VAV1: variants seen among roughly 807,000 people sequenced by gnomAD.
The protein encoded by VAV1 is proto-oncogene vav.
In VAV1, 33 loss-of-function variants were observed where a neutral mutation model predicts 128.1. The ratio of observed to expected loss-of-function variants is 0.26; its 90% confidence interval spans 0.20 to 0.34. VAV1 has a LOEUF of 0.34. VAV1 is among the 10% of genes least tolerant of loss of function. The pLI is 1.00. For synonymous variants in VAV1, 394 were observed against 409.8 expected (o/e 0.96, Z 0.47); for missense variants, 715 against 1,093.7 (o/e 0.65, Z 4.88).
At chr19:6,853,898 G>A in intron 25 of VAV1, 49 bp from the exon 26 acceptor site, 3 of 1,589,044 alleles carry the variant, frequency 1.9e-6, no homozygotes, top group Non-Finnish European at 1.7e-6. Flanking sequence ...CAGAGAGTGA[G>A]TGGGTATCTG....
At chr19:6,838,367 C>T (rs992892501) in intron 21 of VAV1, among the ~76,000 whole-genome samples, 2 of 150,572 alleles carry the variant, frequency 1.3e-5, no homozygotes, top group African/African-American at 4.9e-5. Flanking sequence ...ACCCATCAAT[C>T]CATCCATTCA....
chr19:6,828,197 G>C lies in VAV1; in HGVS notation c.1023+26G>C. 6.2e-7 allele frequency: 1 copy of C among 1,611,926 alleles called. No individual in the cohort carries two copies. Among genetic ancestry groups the C allele is most frequent in the Non-Finnish European group, 8.5e-7 (1 of 1,178,322 alleles). On this transcript the variant is annotated intron_variant, in intron 10 of 26. Coordinates refer to ENST00000602142, the MANE Select transcript of VAV1 (RefSeq NM_005428.4). This position sits in a 1 kb window ranked among gnomAD's most constrained non-coding sequence, Gnocchi z 4.5. ...GTGCCAGGCACATCTCTAGGCGTGG[G>C]CTCCACGTACCTACTCTCCTGTGTC...
chr19:6,803,253 A>C (rs556196494), intron 1 of VAV1, among the ~76,000 whole-genome samples: 1 of 152,340 alleles, frequency 6.6e-6, no homozygotes, highest in African/African-American at 2.4e-5. Flanking sequence ...TCAGGGTTGC[A>C]GTCATCTTTG....
At chr19:6,802,884 C>T (rs888028082) in intron 1 of VAV1, among the ~76,000 whole-genome samples, 3 of 152,296 alleles carry the variant, frequency 2.0e-5, no homozygotes, top group African/African-American at 7.2e-5. Flanking sequence ...TTTTATTGAG[C>T]ATCTACTATG....
chr19:6,833,932 G>A lies in VAV1; in HGVS notation c.1756G>A (p.Asp586Asn). The stretch of plus-strand genomic sequence containing the variant: ...GGACAAACTACATCGCAGGGCTCAG[G>A]ACAAAAAGAGGAATGAGCTGGGTGA... ...KKDKLHRRAQ[D>N]KKRNELGLPK... The change falls in exon 19 of 27, where the codon GAC (aspartate) becomes AAC (asparagine). Residue 586 changes from aspartate to asparagine, a missense_variant. Asp to Asn is a conservative substitution (Grantham distance 23). This residue lies in a region of VAV1 where 407 missense variants were observed against 580.6 expected (regional missense o/e 0.70). Coordinates refer to ENST00000602142, the MANE Select transcript of VAV1 (RefSeq NM_005428.4). The A allele has an allele frequency of 1.9e-6, 3 of 1,614,042 alleles. No homozygotes were observed. The highest frequency in any genetic ancestry group is 2.5e-6 in the Non-Finnish European group (3 of 1,180,018).
rs1390791330 is a variant in VAV1 at position 6,822,835 on chromosome 19, A to G, written c.654+321A>G. On this transcript the variant is annotated intron_variant, in intron 6 of 26. Transcript: ENST00000602142. This position sits in a 1 kb window ranked among gnomAD's most constrained non-coding sequence, Gnocchi z 5.9. ...TTAAACATATACATAAATAGAAAATATATAAATATATACAAAGTATATATA... is the reference window on the plus strand; with the variant it reads ...TTAAACATATACATAAATAGAAAATGTATAAATATATACAAAGTATATATA... Among the ~76,000 whole-genome samples, 2 of 147,532 alleles carry G rather than the reference A, an allele frequency of 1.4e-5. No individual in the cohort carries two copies. The highest frequency in any genetic ancestry group is 3.0e-5 in the Non-Finnish European group (2 of 66,886).
chr19:6,833,640 G>A lies in VAV1; in HGVS notation c.1708+15G>A. 6.2e-7 allele frequency: 1 copy of A among 1,614,098 alleles called. No individual in the cohort carries two copies. Among genetic ancestry groups the A allele is most frequent in the South Asian group, 1.1e-5 (1 of 91,076 alleles). On this transcript the variant is annotated intron_variant, in intron 17 of 26. Transcript: ENST00000602142. The stretch of plus-strand genomic sequence containing the variant: ...ACATGGGCAAGGTACGAGTGGGAGG[G>A]AGGCTGGGAGGTGAGCTTGGTTCTC...
chr19:6,816,990 G>A (rs1971669873), intron 1 of VAV1, among the ~76,000 whole-genome samples: 1 of 152,044 alleles, frequency 6.6e-6, no homozygotes, highest in South Asian at 2.1e-4. Context: ...TGACAGTGTG[G>A]TTATGAGAAT....
At chr19:6,842,749 G>A (rs964266175) in intron 21 of VAV1, among the ~76,000 whole-genome samples, 1 of 152,022 alleles carries the variant, frequency 6.6e-6, no homozygotes, top group Admixed American at 6.6e-5. Context: ...TGAGAGGATC[G>A]CTTGAACCTG....
At chr19:6,784,587 G>A (rs558998368) in intron 1 of VAV1, among the ~76,000 whole-genome samples, 52 of 150,918 alleles carry the variant, frequency 3.4e-4, no homozygotes, top group Non-Finnish European at 6.3e-4. Flanking sequence ...TCCGCCTCCC[G>A]GGTTCAAGCG....
intron 1 of VAV1, among the ~76,000 whole-genome samples, chr19:6,808,723 C>T (rs962974804): frequency 1.6e-4 from 25 of 152,166 alleles, no homozygotes; most frequent in Admixed American, 4.6e-4. Context: ...AACAAACAGT[C>T]CCCTAAAATG....
At position 6,823,004 on chromosome 19, in the gene VAV1, T is replaced by C. The variant is rs921407680; in HGVS notation, c.654+490T>C. 4.1e-5 allele frequency among the ~76,000 whole-genome samples: 6 copies of C among 148,056 alleles called. No homozygotes were observed. The Admixed American group carries it at 4.1e-4, about 10-fold the overall frequency. On this transcript the variant is annotated intron_variant, in intron 6 of 26. Coordinates refer to ENST00000602142, the MANE Select transcript of VAV1 (RefSeq NM_005428.4). Reference sequence around the variant, plus strand: ...TATAAAATATAAAATGTAGATATATTGATATAGGTATATATCTTTTTATAT... The same window carrying C: ...TATAAAATATAAAATGTAGATATATCGATATAGGTATATATCTTTTTATAT...
In VAV1 at chr19:6,822,118, C is replaced by T. The variant is rs146230164; in HGVS notation, c.450-103C>T. ...GGCCTGCCCTTGGAGTCTGAGGTCC[C>T]ACCCTTGGAGTCTTGGGGGGACAAA... On this transcript the variant is annotated intron_variant, in intron 4 of 26. Coordinates refer to ENST00000602142, the MANE Select transcript of VAV1 (RefSeq NM_005428.4). The surrounding 1 kb of genome is among the most constrained non-coding windows in gnomAD (Gnocchi z 5.9). 152 of 1,232,352 alleles carry T rather than the reference C, an allele frequency of 1.2e-4. No homozygotes were observed. In the African/African-American group the frequency reaches 1.7e-3, roughly 14 times the overall value. 76.3% of individuals were successfully genotyped at this position (1,232,352 alleles called of 1,614,324 possible). A position where few individuals can be genotyped will look rare whatever the true frequency, so the allele number is the denominator to read the frequency against.
chr19:6,821,071 T>C (rs984670963), intron 2 of VAV1, among the ~76,000 whole-genome samples: 1 of 152,196 alleles, frequency 6.6e-6, no homozygotes, highest in African/African-American at 2.4e-5. Context: ...GGGAATATTA[T>C]CATCCTGCCC....
chr19:6,834,109 G>A (rs1008674251), intron 19 of VAV1, among the ~76,000 whole-genome samples, 156 bp downstream of exon 19: 2 of 151,802 alleles, frequency 1.3e-5, no homozygotes, highest in Admixed American at 6.6e-5. Flanking sequence ...GGCCAAGGCG[G>A]GAGGATCGCT....
chr19:6,799,545 TGCATCCATCAA>T (rs1971215380), intron 1 of VAV1, among the ~76,000 whole-genome samples: 1 of 152,166 alleles, frequency 6.6e-6, no homozygotes, highest in Non-Finnish European at 1.5e-5. Flanking sequence ...GGTGGTTTGC[TGCATCCATCAA>T]CCCATCATCT....
In VAV1 at chr19:6,814,191, T is replaced by C. The variant is rs113646648; in HGVS notation, c.205-6511T>C. Among the ~76,000 whole-genome samples, 114 of 152,358 alleles carry C rather than the reference T, an allele frequency of 7.5e-4. 1 individual carries two copies. Among genetic ancestry groups the C allele is most frequent in the African/African-American group, 2.5e-3 (106 of 41,582 alleles). The stretch of plus-strand genomic sequence containing the variant: ...GTTTTGTTTCACATCTTCTAGGCTA[T>C]GGTCAATAGTATCCTTTTAAAATCA... On this transcript the variant is annotated intron_variant, in intron 1 of 26. Transcript: ENST00000602142.
intron 1 of VAV1, among the ~76,000 whole-genome samples, chr19:6,810,927 G>C (rs1325370838): frequency 2.0e-5 from 3 of 152,190 alleles, no homozygotes; most frequent in African/African-American, 4.8e-5. Flanking sequence ...TGTAAGCAAA[G>C]AAATGGATTG....
intron 1 of VAV1, among the ~76,000 whole-genome samples, chr19:6,814,714 T>TTCTTTCTTTCTTTCTTTCTC (rs1971603732): frequency 2.8e-5 from 4 of 140,424 alleles, no homozygotes; most frequent in Non-Finnish European, 6.1e-5. Context: ...CTTTCTTTCT[T>TTCTTTCTTTCTTTCTTTCTC]TCTTTCTTTC....
Sources: gnomAD v4.1 joint callset for allele counts (sites outside exome capture counted in the v4.1 genomes callset) on GRCh38, gnomAD v4.1.1 for gene constraint, gnomAD v4.1.1 regional missense constraint, Gnocchi (gnomAD v3.1) non-coding constraint, MANE v1.5 for transcripts, NCBI Gene and HGNC (gene_info 2026-07-23, HGNC 2026-07-21) for gene names.